The following PTPN21 variants were observed in gnomAD, a reference collection of about 807,000 sequenced individuals.
PTPN21 encodes the protein protein tyrosine phosphatase non-receptor type 21, also known as tyrosine-protein phosphatase non-receptor type 21.
PTPN21 carries 77 observed loss-of-function variants against 131.8 expected under a neutral mutation model. That is an observed-to-expected ratio of 0.58 (90% CI 0.49 to 0.71). PTPN21 has a LOEUF of 0.71. Ranked by LOEUF, PTPN21 falls within the 30% of genes least tolerant of loss-of-function variation. PTPN21 has a pLI of 0.00. For synonymous variants in PTPN21, 715 were observed against 621.3 expected (o/e 1.15, Z -2.24); for missense variants, 1,552 against 1,527.1 (o/e 1.02, Z -0.27).
At chr14:88,540,444 GGT>G (rs2078689993) in intron 2 of PTPN21, among the ~76,000 whole-genome samples, 1 of 152,180 alleles carries the variant, frequency 6.6e-6, no homozygotes, top group Non-Finnish European at 1.5e-5. Context: ...CAGGGAAGTT[GGT>G]TTCCTCAGTT....
rs200026738 is a variant in PTPN21 at position 88,485,814 on chromosome 14, T to C, written c.961A>G (p.Ile321Val). The change falls in exon 11 of 19, where the codon ATC becomes GTC. Residue 321 changes from isoleucine (I) to valine (V), a missense_variant. Ile to Val is a conservative substitution (Grantham distance 29). Coordinates refer to ENST00000556564, the MANE Select transcript of PTPN21 (RefSeq NM_007039.4). ...LQTQTVTVNP[I>V]RRRSSSRMSL... ...ATCCTTGAAGAAGACCTCCTCCTGA[T>C]TGGGTTCACTGTGACAGTCTGAGTT... 2.5e-5 allele frequency: 41 copies of C among 1,609,250 alleles called. No homozygotes were observed. Among genetic ancestry groups the C allele is most frequent in the Middle Eastern group, 1.7e-4 (1 of 6,046 alleles).
intron 18 of PTPN21, 34 bp downstream of exon 18, chr14:88,468,882 C>T (rs1239160214): frequency 1.2e-6 from 2 of 1,613,506 alleles, no homozygotes; most frequent in Admixed American, 1.7e-5. Flanking sequence ...CTCATTTCCA[C>T]CCAAAAAGGC....
intron 13 of PTPN21, among the ~76,000 whole-genome samples, chr14:88,474,147 AAAAAAAAAC>A (rs1292003971): frequency 4.4e-5 from 6 of 136,266 alleles, no homozygotes; most frequent in African/African-American, 1.4e-4. Flanking sequence ...AAAAAAAAAA[AAAAAAAAAC>A]AAAAGCTTTA....
chr14:88,498,227 G>C (rs1177048909), intron 8 of PTPN21, among the ~76,000 whole-genome samples: 3 of 151,796 alleles, frequency 2.0e-5, no homozygotes, highest in African/African-American at 7.3e-5. Flanking sequence ...AGTGAACCAA[G>C]ATTGTGCCAC....
rs368603391 is a variant in PTPN21 at position 88,550,230 on chromosome 14, T to C, written c.180+8A>G. 6.2e-7 allele frequency: 1 copy of C among 1,611,670 alleles called. No homozygotes were observed. The highest frequency in any genetic ancestry group is 1.3e-5 in the African/African-American group (1 of 74,846). ...GCGCCTGGCCTGCAGTGTCTTTAGG[T>C]GGCTTACCTCCCGCAGCTCCAGCCT... On this transcript the variant is annotated splice_region_variant and intron_variant, in intron 2 of 18. Transcript: ENST00000556564.
At chr14:88,551,903 A>C (rs898853159) in intron 1 of PTPN21, 1 of 152,250 alleles carries the variant, frequency 6.6e-6, no homozygotes, top group African/African-American at 2.4e-5. Context: ...GGGGATTTTT[A>C]TATCAGCTGG....
intron 7 of PTPN21, 99 bp downstream of exon 7, chr14:88,501,182 C>CTCAG: frequency 8.8e-7 from 1 of 1,137,176 alleles, no homozygotes; most frequent in Non-Finnish European, 1.3e-6. Flanking sequence ...TTTGCACGTC[C>CTCAG]TCAGCCTTTG....
intron 2 of PTPN21, among the ~76,000 whole-genome samples, chr14:88,530,515 A>G (rs534847324): frequency 7.4e-6 from 1 of 134,302 alleles, no homozygotes; most frequent in Non-Finnish European, 1.8e-5. Context: ...AAATCCACCA[A>G]CCAAGTATCT....
In PTPN21 at chr14:88,525,019, G is replaced by C. The variant is rs554548395; in HGVS notation, c.181-7758C>G. On this transcript the variant is annotated intron_variant, in intron 2 of 18. Transcript: ENST00000556564. ...ACATTTTGGGAGGCTGAGGCAGGAG[G>C]ACTGCTTGAGCTCAGAAGTTTGAGA... 4.6e-5 allele frequency among the ~76,000 whole-genome samples: 7 copies of C among 152,162 alleles called. No individual in the cohort carries two copies. In the South Asian group the frequency reaches 1.5e-3, roughly 32 times the overall value.
intron 2 of PTPN21, among the ~76,000 whole-genome samples, chr14:88,546,083 T>C (rs868550327): frequency 6.6e-6 from 1 of 151,964 alleles, no homozygotes; most frequent in African/African-American, 2.4e-5. Flanking sequence ...GTTAACTACA[T>C]TGGATACATG....
At chr14:88,475,637 A>G (rs3783889) in intron 13 of PTPN21, among the ~76,000 whole-genome samples, 2 of 152,050 alleles carry the variant, frequency 1.3e-5, no homozygotes, top group Non-Finnish European at 2.9e-5. Flanking sequence ...ATTTAACAAC[A>G]GGCTCTTGGA....
intron 13 of PTPN21, among the ~76,000 whole-genome samples, chr14:88,475,314 T>C (rs1326292261): frequency 2.0e-5 from 3 of 152,156 alleles, no homozygotes; most frequent in Admixed American, 6.5e-5. Context: ...TCCTAAAAGA[T>C]TGCTGCTGTA....
At chr14:88,546,695 G>A (rs1262559218) in intron 2 of PTPN21, among the ~76,000 whole-genome samples, 1 of 152,012 alleles carries the variant, frequency 6.6e-6, no homozygotes, top group Non-Finnish European at 1.5e-5. Context: ...AAATCTATAT[G>A]CGATAATTCC....
intron 10 of PTPN21, among the ~76,000 whole-genome samples, chr14:88,494,826 A>G (rs1385415311): frequency 5.3e-5 from 8 of 151,726 alleles, no homozygotes; most frequent in Admixed American, 4.6e-4. Context: ...ATCCTGGCCA[A>G]CATGGTGAAA....
At chr14:88,511,985 G>C (rs1185291939) in intron 3 of PTPN21, among the ~76,000 whole-genome samples, 1 of 152,072 alleles carries the variant, frequency 6.6e-6, no homozygotes, top group African/African-American at 2.4e-5. Context: ...GTTTTTCTTA[G>C]ACTAGTAATA....
intron 15 of PTPN21, among the ~76,000 whole-genome samples, chr14:88,471,539 T>C (rs1355302213): frequency 2.0e-5 from 3 of 152,070 alleles, no homozygotes; most frequent in Non-Finnish European, 4.4e-5. Flanking sequence ...TCTCTCACCA[T>C]AAACATTACC....
At chr14:88,542,451 C>T (rs1002495599) in intron 2 of PTPN21, among the ~76,000 whole-genome samples, 1 of 152,284 alleles carries the variant, frequency 6.6e-6, no homozygotes, top group Admixed American at 6.5e-5. Flanking sequence ...TGAGACTACA[C>T]TACTGTGACA....
intron 12 of PTPN21, 28 bp from the exon 13 acceptor site, chr14:88,480,380 T>C (rs1464414193): frequency 6.5e-7 from 1 of 1,531,606 alleles, no homozygotes; most frequent in Non-Finnish European, 9.0e-7. Flanking sequence ...AAAATGAGAT[T>C]TTTTTAAATG....
chr14:88,528,783 C>T (rs115355134), intron 2 of PTPN21, among the ~76,000 whole-genome samples: 1,604 of 152,302 alleles, frequency 0.011, 30 homozygotes, highest in African/African-American at 0.037. Flanking sequence ...ATTAAATCTT[C>T]CTTTTGTAAG....
Sources: gnomAD v4.1 joint callset for allele counts (sites outside exome capture counted in the v4.1 genomes callset) on GRCh38, gnomAD v4.1.1 for gene constraint, MANE v1.5 for transcripts, NCBI Gene and HGNC (gene_info 2026-07-23, HGNC 2026-07-21) for gene names.